EIPR1: variants seen among roughly 807,000 people sequenced by gnomAD.
EIPR1 encodes the protein EARP complex and GARP complex interacting protein 1.
In EIPR1, 25 loss-of-function variants were observed where a neutral mutation model predicts 48.1. The ratio of observed to expected loss-of-function variants is 0.52; its 90% CI spans 0.38 to 0.73. The LOEUF (loss-of-function observed/expected upper bound fraction) is 0.73. Ranked by LOEUF, EIPR1 falls within the 30% of genes least tolerant of loss-of-function variation. The probability of loss-of-function intolerance (pLI) is 0.00; values close to 1 mark genes in which losing one functional copy is unlikely to be tolerated. For synonymous variants in EIPR1, 204 were observed against 201.9 expected (o/e 1.01, Z -0.09); for missense variants, 415 against 506.2 (o/e 0.82, Z 1.73).
chr2:3,289,913 G>A, intron 3 of EIPR1, among the ~76,000 whole-genome samples: 1 of 152,204 alleles, frequency 6.6e-6, no homozygotes, highest in Non-Finnish European at 1.5e-5. Context: ...TACACCCTTT[G>A]TCACGGCCTC....
At chr2:3,327,345 G>A (rs1205626043) in intron 3 of EIPR1, among the ~76,000 whole-genome samples, 15 of 152,134 alleles carry the variant, frequency 9.9e-5, no homozygotes, top group African/African-American at 2.2e-4. Flanking sequence ...CACCACACCC[G>A]GCTAATTTTT....
At chr2:3,249,192 T>G (rs368656720) in intron 4 of EIPR1, among the ~76,000 whole-genome samples, 8 of 152,250 alleles carry the variant, frequency 5.3e-5, no homozygotes, top group Admixed American at 2.0e-4. Flanking sequence ...ACTTATTGAG[T>G]GATTGTAGCC....
chr2:3,261,578 C>T (rs1465395784), intron 3 of EIPR1: 2 of 152,304 alleles, frequency 1.3e-5, no homozygotes, highest in East Asian at 3.8e-4. Flanking sequence ...AAAGGGTAAT[C>T]CCCACACATT....
rs1667662826 is a variant in EIPR1, at chr2:3,270,184, CAAG to C, written c.260-12732_260-12730del. On this transcript the variant is annotated intron_variant, in intron 3 of 8. Transcript: ENST00000382125. ...TGGAAAGCACAAAGCAGGGGTGAAA[CAAG>C]GAGGGGATGTCAGGGCTCAGGCTGA... Among the ~76,000 whole-genome samples the C allele has an allele frequency of 2.0e-5, 3 of 152,304 alleles. No homozygotes were observed. In the South Asian group the frequency reaches 6.2e-4, roughly 32 times the overall value.
In EIPR1 at chr2:3,305,006, AGTTC is replaced by A. The variant is rs1558286462; in HGVS notation, c.259+33007_259+33010del. On this transcript the variant is annotated intron_variant, in intron 3 of 8. Transcript: ENST00000382125. ...CCAGTTCAACCCTCCACTCCCGTCC[AGTTC>A]AACCCTCCACTCCTGTCCAGTTCAA... Among the ~76,000 whole-genome samples the A allele has an allele frequency of 2.1e-4, 23 of 109,292 alleles. 1 individual carries two copies. In the East Asian group the frequency reaches 5.9e-3, roughly 28 times the overall value. The allele number at this position is 109,292 out of a possible 152,430, so 71.7% of individuals were successfully genotyped here.
chr2:3,335,957 G>A (rs1004660937), intron 3 of EIPR1, among the ~76,000 whole-genome samples: 3 of 152,146 alleles, frequency 2.0e-5, no homozygotes, highest in South Asian at 2.1e-4. Flanking sequence ...CTAATACCCC[G>A]ACTGTCAGGA....
intron 4 of EIPR1, among the ~76,000 whole-genome samples, chr2:3,218,311 C>G (rs926419170): frequency 1.3e-5 from 2 of 151,132 alleles, no homozygotes; most frequent in African/African-American, 4.9e-5. Flanking sequence ...CTAGAGCTTT[C>G]ACAGTGAGTC....
chr2:3,341,230 G>A lies in EIPR1; in HGVS notation c.127-3081C>T, dbSNP rs539558932. Among the ~76,000 whole-genome samples the A allele has an allele frequency of 2.4e-3, 362 of 152,042 alleles. 2 individuals are homozygous for A. The highest frequency in any genetic ancestry group is 4.1e-3 in the Non-Finnish European group (278 of 68,004). ...AACACACGCACAGACAATGCTGAGT[G>A]AGAAAAATCAGACACGAGAAGGAGC... On this transcript the variant is annotated intron_variant, in intron 2 of 8. Transcript: ENST00000382125.
At chr2:3,295,933 CTT>C (rs1668565864) in intron 3 of EIPR1, among the ~76,000 whole-genome samples, 2 of 88,374 alleles carry the variant, frequency 2.3e-5, no homozygotes, top group African/African-American at 4.4e-5. Flanking sequence ...CCATCCTCTC[CTT>C]GCACACACAC....
chr2:3,240,495 G>C (rs1415466657), intron 4 of EIPR1, among the ~76,000 whole-genome samples: 1 of 148,998 alleles, frequency 6.7e-6, no homozygotes, highest in Non-Finnish European at 1.5e-5. Context: ...CCCTCCTAAA[G>C]CAAAGCCAGC....
At chr2:3,195,521 C>G (rs1163544856) in intron 6 of EIPR1, among the ~76,000 whole-genome samples, 1 of 152,214 alleles carries the variant, frequency 6.6e-6, no homozygotes. Context: ...TATCCTGCAC[C>G]TTTGCAATAT....
In EIPR1 at chr2:3,274,208, C is replaced by T; in HGVS notation, c.260-16753G>A. On this transcript the variant is annotated intron_variant, in intron 3 of 8. Coordinates refer to ENST00000382125, the MANE Select transcript of EIPR1 (RefSeq NM_003310.5). The stretch of plus-strand genomic sequence containing the variant: ...CACAGGAAAAACAGAAAACAGCAGG[C>T]ACAATATCAATAAACAAATTATCAG... 7 of 1,415,794 alleles carry T rather than the reference C, an allele frequency of 4.9e-6. No individual in the cohort carries two copies. In the South Asian group the frequency reaches 8.9e-5, roughly 18 times the overall value. 87.7% of individuals were successfully genotyped at this position (1,415,794 alleles called of 1,614,324 possible). A position where few individuals can be genotyped will look rare whatever the true frequency, so the allele number is the denominator to read the frequency against.
chr2:3,265,444 C>G (rs1667457503), intron 3 of EIPR1, among the ~76,000 whole-genome samples: 1 of 152,144 alleles, frequency 6.6e-6, no homozygotes, highest in Non-Finnish European at 1.5e-5. Flanking sequence ...CAACAGTGTT[C>G]AACACACATC....
At chr2:3,255,758 C>T (rs1667135881) in intron 4 of EIPR1, among the ~76,000 whole-genome samples, 1 of 152,226 alleles carries the variant, frequency 6.6e-6, no homozygotes, top group Non-Finnish European at 1.5e-5. Flanking sequence ...CAGAGTCTCA[C>T]TCATCTGCTC....
At chr2:3,306,490 G>C (rs903997883) in intron 3 of EIPR1, among the ~76,000 whole-genome samples, 1 of 152,178 alleles carries the variant, frequency 6.6e-6, no homozygotes, top group African/African-American at 2.4e-5. Context: ...TGAAAAATCT[G>C]TGTGTAACTT....
intron 7 of EIPR1, among the ~76,000 whole-genome samples, chr2:3,193,437 A>T (rs945200721): frequency 2.0e-5 from 3 of 152,220 alleles, no homozygotes; most frequent in Non-Finnish European, 4.4e-5. Context: ...CCGTGTGTGC[A>T]CACACGTTTT....
At chr2:3,364,912 G>C (rs1194933274) in intron 1 of EIPR1, among the ~76,000 whole-genome samples, 1 of 152,100 alleles carries the variant, frequency 6.6e-6, no homozygotes, top group Non-Finnish European at 1.5e-5. Flanking sequence ...ATAGTGTTTG[G>C]TATATCAGCA....
chr2:3,354,480 G>A, intron 2 of EIPR1, 70 bp downstream of exon 2: 1 of 1,429,214 alleles, frequency 7.0e-7, no homozygotes, highest in Non-Finnish European at 9.7e-7. Context: ...TGGAAAATCA[G>A]AGCAAAATGG....
intron 4 of EIPR1, among the ~76,000 whole-genome samples, chr2:3,233,148 T>C (rs1666294937): frequency 6.6e-6 from 1 of 152,224 alleles, no homozygotes; most frequent in Admixed American, 6.5e-5. Flanking sequence ...GTATGTATAA[T>C]ACAATCATAA....
Sources: gnomAD v4.1 joint callset for allele counts (sites outside exome capture counted in the v4.1 genomes callset) on GRCh38, gnomAD v4.1.1 for gene constraint, MANE v1.5 for transcripts, NCBI Gene and HGNC (gene_info 2026-07-23, HGNC 2026-07-21) for gene names.